HABP2: variants seen among roughly 807,000 people sequenced by gnomAD.
HABP2 encodes factor VII-activating protease.
In HABP2, 65 loss-of-function variants were observed where a neutral mutation model predicts 66.5. The observed-to-expected ratio is 0.98, with a 90% CI of 0.80 to 1.20. The LOEUF is 1.20. Among genes scored for constraint, HABP2 ranks in the 50% most tolerant of loss-of-function variants. The pLI is 0.00. For missense variants in HABP2, 786 were observed against 691.0 expected, an observed-to-expected ratio of 1.14 and a Z score of -1.54; for synonymous variants, 263 against 253.9, an observed-to-expected ratio of 1.04 and a Z score of -0.34.
chr10:113,589,438 A>G lies in HABP2; in HGVS notation c.*1069A>G, dbSNP rs769110224. 6.6e-6 allele frequency: 4 copies of G among 605,422 alleles called. No individual in the cohort carries two copies. Among genetic ancestry groups the G allele is most frequent in the Non-Finnish European group, 1.1e-5 (4 of 348,710 alleles). The allele number at this position is 605,422 out of a possible 1,614,324, so 37.5% of individuals were successfully genotyped here. A position where few individuals can be genotyped will look rare whatever the true frequency, so the allele number is the denominator to read the frequency against. ...GTAGCCCCGGTAGGTTTGCCTCTGC[A>G]GAACTAATGGCTGTGACTTCAGAGA... On this transcript the variant is annotated 3_prime_UTR_variant, in exon 13 of 13. Transcript: ENST00000351270.
chr10:113,574,433 C>A, intron 3 of HABP2, 28 bp downstream of exon 3: 2 of 1,121,148 alleles, frequency 1.8e-6, no homozygotes, highest in Middle Eastern at 2.0e-4. Context: ...TTCAGGGACT[C>A]TCCTGGGAGA....
At chr10:113,562,131 T>C (rs1402463271) in intron 1 of HABP2, among the ~76,000 whole-genome samples, 2 of 152,204 alleles carry the variant, frequency 1.3e-5, no homozygotes, top group Non-Finnish European at 2.9e-5. Context: ...GGATCTAGAA[T>C]GGTCTTGCTA....
intron 1 of HABP2, among the ~76,000 whole-genome samples, chr10:113,562,602 G>A (rs923056354): frequency 3.3e-5 from 5 of 152,190 alleles, no homozygotes; most frequent in Admixed American, 1.3e-4. Context: ...CTGCCCTCAC[G>A]CCTGGCTAAT....
chr10:113,572,650 A>G (rs1415760102), intron 2 of HABP2: 1 of 443,510 alleles, frequency 2.3e-6, no homozygotes, highest in East Asian at 7.2e-5. Flanking sequence ...TCTCTGCTTT[A>G]TCACGCTAGA....
intron 3 of HABP2, among the ~76,000 whole-genome samples, chr10:113,574,906 A>C (rs1376667914): frequency 6.6e-6 from 1 of 152,094 alleles, no homozygotes; most frequent in African/African-American, 2.4e-5. Context: ...CACTCTTTAG[A>C]AGCTTTCCAC....
Position 113,553,169 on chromosome 10 carries a change from G to T in HABP2, c.48G>T (p.Leu16=), listed in dbSNP as rs1268165032. The change falls in exon 1 of 13, where the codon CTG becomes CTT. Residue 16 remains leucine, a synonymous_variant. Transcript: ENST00000351270. ...SDLHVLLLMA[L]VGKTACGFSL... ...TCCATGTTCTGCTGTTAATGGCTCT[G>T]GTGGGAAAGACAGCCTGTGGGGTAA... 3.1e-6 allele frequency: 5 copies of T among 1,612,780 alleles called. No homozygotes were observed. In the Admixed American group the frequency reaches 8.3e-5, roughly 27 times the overall value.
chr10:113,565,112 G>A (rs1301997999), intron 1 of HABP2, among the ~76,000 whole-genome samples: 1 of 152,184 alleles, frequency 6.6e-6, no homozygotes, highest in African/African-American at 2.4e-5. Context: ...CCAAAGTGCT[G>A]GGATTACAGG....
chr10:113,557,758 C>T (rs1330134118), intron 1 of HABP2, among the ~76,000 whole-genome samples: 2 of 152,180 alleles, frequency 1.3e-5, no homozygotes, highest in South Asian at 2.1e-4. Flanking sequence ...TAAGAGTAAT[C>T]GTAATAATTA....
intron 1 of HABP2, among the ~76,000 whole-genome samples, chr10:113,558,611 A>G (rs1891765): frequency 0.97 from 147,149 of 152,284 alleles, 71,172 homozygotes; most frequent in East Asian, 1. Flanking sequence ...GTTACTTCAC[A>G]TCCTGGCTAG....
chr10:113,554,384 TAC>T (rs1177091514), intron 1 of HABP2, among the ~76,000 whole-genome samples: 1 of 152,222 alleles, frequency 6.6e-6, no homozygotes, highest in East Asian at 1.9e-4. Flanking sequence ...CAGATTAAGT[TAC>T]AGTTTTCTGA....
chr10:113,585,863 A>G lies in HABP2; in HGVS notation c.1443A>G (p.Gln481=). Residue 481 remains glutamine, a synonymous_variant, in exon 12 of 13, where the codon CAA becomes CAG. Transcript: ENST00000351270. ...LIANTLCNSR[Q]LYDHMIDDSM... is the part of the protein sequence containing the mutation. ...CCAACACTTTGTGCAACTCCCGCCA[A>G]CTCTATGACCACATGATTGATGACA... 1 of 1,613,666 alleles carries G rather than the reference A, an allele frequency of 6.2e-7. No individual in the cohort carries two copies. Among genetic ancestry groups the G allele is most frequent in the Non-Finnish European group, 8.5e-7 (1 of 1,179,584 alleles).
At chr10:113,578,287 C>T (rs141890505) in intron 6 of HABP2, 142 bp downstream of exon 6, 30 of 911,554 alleles carry the variant, frequency 3.3e-5, no homozygotes, top group Middle Eastern at 4.9e-4. Context: ...AGGGATAGGG[C>T]GTGTCTGGCT....
rs563490914 is a variant in HABP2 at position 113,562,889 on chromosome 10, C to T, written c.70-4600C>T. On this transcript the variant is annotated intron_variant, in intron 1 of 12. Coordinates refer to ENST00000351270, the MANE Select transcript of HABP2 (RefSeq NM_004132.5). ...TATTACTGTGTACACGTGGCAGCTT[C>T]CTGGTCCCTCACAATGGTGACTAAG... Among the ~76,000 whole-genome samples, 44 of 152,322 alleles carry T rather than the reference C, an allele frequency of 2.9e-4. No homozygotes were observed. The South Asian group carries it at 8.5e-3, about 29-fold the overall frequency.
chr10:113,566,809 T>C (rs1345428242), intron 1 of HABP2, among the ~76,000 whole-genome samples: 1 of 152,170 alleles, frequency 6.6e-6, no homozygotes, highest in Non-Finnish European at 1.5e-5. Context: ...GCCAAGGCCC[T>C]GAGGTGGGAG....
At chr10:113,588,099 C>A in intron 12 of HABP2, 106 bp from the exon 13 acceptor site, 2 of 855,136 alleles carry the variant, frequency 2.3e-6, no homozygotes, top group Middle Eastern at 3.7e-4. Flanking sequence ...CGGAGGCTGG[C>A]AAGGGACTCC....
chr10:113,561,192 T>C (rs1845093979), intron 1 of HABP2, among the ~76,000 whole-genome samples: 1 of 152,132 alleles, frequency 6.6e-6, no homozygotes, highest in Non-Finnish European at 1.5e-5. Flanking sequence ...GTAATCTTCT[T>C]GGGGGTGGGG....
intron 5 of HABP2, 113 bp from the exon 6 acceptor site, chr10:113,577,913 C>A (rs981829877): frequency 1.6e-6 from 2 of 1,278,860 alleles, no homozygotes; most frequent in Non-Finnish European, 2.2e-6. Context: ...GGTGACCCAT[C>A]TTTCGCGAAA....
chr10:113,552,015 G>A (rs1360394966), upstream of HABP2, among the ~76,000 whole-genome samples: 3 of 152,162 alleles, frequency 2.0e-5, no homozygotes, highest in African/African-American at 7.2e-5. Flanking sequence ...GACTTGGCTA[G>A]TCCTTCAAGG....
chr10:113,588,300 G>T lies in HABP2; in HGVS notation c.1614G>T (p.Gly538=). The change falls in exon 13 of 13, where the codon GGG becomes GGT. Residue 538 remains glycine, a synonymous_variant. Coordinates refer to ENST00000351270, the MANE Select transcript of HABP2 (RefSeq NM_004132.5). ...GCCTGGAGTGTGGGAAGAGGCCAGGGGTCTACACCCAAGTTACCAAATTCC... is the reference window on the plus strand; with the variant it reads ...GCCTGGAGTGTGGGAAGAGGCCAGGTGTCTACACCCAAGTTACCAAATTCC... ...SWGLECGKRP[G]VYTQVTKFLN... is the part of the protein sequence containing the mutation. 2 of 1,613,604 alleles carry T rather than the reference G, an allele frequency of 1.2e-6. No homozygotes were observed. The highest frequency in any genetic ancestry group is 1.7e-6 in the Non-Finnish European group (2 of 1,179,716).
Sources: allele counts gnomAD v4.1 joint callset (sites outside exome capture counted in the v4.1 genomes callset), GRCh38; gene constraint gnomAD v4.1.1; transcripts MANE v1.5; gene names NCBI Gene and HGNC (gene_info 2026-07-23, HGNC 2026-07-21).